The following TMC1 variants were observed in gnomAD, a reference collection of about 807,000 sequenced individuals.
TMC1 encodes the protein transmembrane channel like 1.
TMC1 carries 84 observed loss-of-function variants against 105.8 expected under a neutral mutation model. The ratio of observed to expected loss-of-function variants is 0.79; its 90% confidence interval spans 0.67 to 0.95. The LOEUF is 0.95. TMC1 is among the 40% of genes least tolerant of loss of function. The pLI, the probability that TMC1 is intolerant of heterozygous loss-of-function variation, is 0.00. For synonymous variants in TMC1, 315 were observed against 311.5 expected, an observed-to-expected ratio of 1.01 and a Z score of -0.12; for missense variants, 817 against 914.1, an observed-to-expected ratio of 0.89 and a Z score of 1.37.
chr9:72,546,215 T>A (rs1823766499), intron 1 of TMC1, among the ~76,000 whole-genome samples: 1 of 151,964 alleles, frequency 6.6e-6, no homozygotes, highest in African/African-American at 2.4e-5. Flanking sequence ...ATCGCTTGAA[T>A]GCAGAAGGCG....
intron 12 of TMC1, among the ~76,000 whole-genome samples, chr9:72,770,419 GTT>G (rs367957982): frequency 2.0e-4 from 24 of 120,472 alleles, no homozygotes; most frequent in Non-Finnish European, 2.8e-4. Flanking sequence ...AATTTGTTGG[GTT>G]TTTTTTTTTT....
chr9:72,523,401 T>C (rs1157888170), intron 1 of TMC1, among the ~76,000 whole-genome samples: 1 of 152,208 alleles, frequency 6.6e-6, no homozygotes, highest in Admixed American at 6.5e-5. Flanking sequence ...CCTAACAGCC[T>C]ACTGTTGACC....
intron 10 of TMC1, among the ~76,000 whole-genome samples, chr9:72,747,874 G>A (rs1341233154): frequency 2.6e-5 from 4 of 152,128 alleles, no homozygotes; most frequent in African/African-American, 4.8e-5. Flanking sequence ...GATTACAGGA[G>A]TGAGCCACCG....
intron 4 of TMC1, among the ~76,000 whole-genome samples, chr9:72,645,892 A>G (rs1825703829): frequency 6.6e-6 from 1 of 152,206 alleles, no homozygotes; most frequent in Admixed American, 6.5e-5. Context: ...TTCATTTCTT[A>G]AGGAATGGAC....
intron 7 of TMC1, 138 bp downstream of exon 7, chr9:72,694,852 T>C: frequency 1.3e-6 from 1 of 747,860 alleles, no homozygotes; most frequent in Admixed American, 2.8e-5. Context: ...TATTTTATTC[T>C]ACTTAATTAA....
At chr9:72,528,049 T>C (rs1006708561) in intron 1 of TMC1, among the ~76,000 whole-genome samples, 1 of 152,164 alleles carries the variant, frequency 6.6e-6, no homozygotes, top group Non-Finnish European at 1.5e-5. Context: ...AACTTATATG[T>C]TGAAATCTTA....
chr9:72,645,119 T>C (rs1825688911), intron 4 of TMC1, among the ~76,000 whole-genome samples: 1 of 152,174 alleles, frequency 6.6e-6, no homozygotes, highest in Non-Finnish European at 1.5e-5. Flanking sequence ...CCACATTAAT[T>C]GATAGGAAAA....
chr9:72,654,205 A>G (rs1209029722), intron 5 of TMC1, among the ~76,000 whole-genome samples: 1 of 152,196 alleles, frequency 6.6e-6, no homozygotes, highest in East Asian at 1.9e-4. Flanking sequence ...GTGGCTACAT[A>G]TAATTTTGCA....
intron 2 of TMC1, among the ~76,000 whole-genome samples, chr9:72,592,177 C>A (rs757953896): frequency 2.6e-5 from 4 of 152,126 alleles, no homozygotes; most frequent in Non-Finnish European, 4.4e-5. Context: ...AACTAAATGA[C>A]GAGTTTCACT....
intron 12 of TMC1, among the ~76,000 whole-genome samples, chr9:72,770,372 A>G (rs1490597370): frequency 1.5e-5 from 2 of 137,900 alleles, no homozygotes; most frequent in Non-Finnish European, 3.1e-5. Flanking sequence ...ACTTAAATTT[A>G]TTATATAAAT....
chr9:72,599,245 G>A (rs1035511866), intron 2 of TMC1, among the ~76,000 whole-genome samples: 4 of 152,080 alleles, frequency 2.6e-5, no homozygotes, highest in Non-Finnish European at 5.9e-5. Flanking sequence ...TGGCCAGGCC[G>A]GTCTCAAACT....
At chr9:72,810,358 G>A (rs889543524) in intron 18 of TMC1, among the ~76,000 whole-genome samples, 3 of 152,088 alleles carry the variant, frequency 2.0e-5, no homozygotes, top group Admixed American at 6.6e-5. Context: ...ATGCATGCAT[G>A]TGCATGTATA....
At chr9:72,735,861 G>GC (rs1195319982) in intron 8 of TMC1, among the ~76,000 whole-genome samples, 3 of 152,108 alleles carry the variant, frequency 2.0e-5, no homozygotes, top group African/African-American at 7.2e-5. Flanking sequence ...TCCACCTTCT[G>GC]CCCCCTGGCT....
At chr9:72,630,442 T>C (rs1825429917) in intron 4 of TMC1, among the ~76,000 whole-genome samples, 1 of 152,218 alleles carries the variant, frequency 6.6e-6, no homozygotes, top group Non-Finnish European at 1.5e-5. Flanking sequence ...TGCCCTTTGA[T>C]TCAATAGCAC....
rs527812931 is a variant in TMC1, at chr9:72,591,952, A to T, written c.-306+13929A>T. Among the ~76,000 whole-genome samples the T allele has an allele frequency of 2.6e-5, 4 of 152,298 alleles. No homozygotes were observed. In the South Asian group the frequency reaches 8.3e-4, roughly 32 times the overall value. On this transcript the variant is annotated intron_variant, in intron 2 of 23. Transcript: ENST00000297784. Reference sequence around the variant, plus strand: ...TGAGAATTTGCATTTCTGACAAATTACCTGGAGGCGCTAGTTGCTAGTTTA... The same window carrying T: ...TGAGAATTTGCATTTCTGACAAATTTCCTGGAGGCGCTAGTTGCTAGTTTA...
chr9:72,690,761 G>A (rs1826452316), intron 6 of TMC1, among the ~76,000 whole-genome samples: 1 of 151,992 alleles, frequency 6.6e-6, no homozygotes, highest in South Asian at 2.1e-4. Context: ...CTTTGTCTTT[G>A]ACTTCTGGCA....
chr9:72,581,389 G>A (rs905894930), intron 2 of TMC1, among the ~76,000 whole-genome samples: 14 of 152,156 alleles, frequency 9.2e-5, no homozygotes, highest in Non-Finnish European at 1.5e-4. Context: ...TGATGATCAC[G>A]TTTTTATTTT....
chr9:72,558,342 A>G (rs1348600571), intron 1 of TMC1, among the ~76,000 whole-genome samples: 2 of 152,166 alleles, frequency 1.3e-5, no homozygotes, highest in Non-Finnish European at 2.9e-5. Flanking sequence ...GGACACTAGC[A>G]TCTTGGTGGC....
At chr9:72,735,557 T>G (rs1827284294) in intron 8 of TMC1, among the ~76,000 whole-genome samples, 1 of 152,238 alleles carries the variant, frequency 6.6e-6, no homozygotes, top group African/African-American at 2.4e-5. Flanking sequence ...GATTTGTTTT[T>G]GTATCTTCTT....
Sources: allele counts gnomAD v4.1 joint callset (sites outside exome capture counted in the v4.1 genomes callset), GRCh38; gene constraint gnomAD v4.1.1; transcripts MANE v1.5; gene names NCBI Gene and HGNC (gene_info 2026-07-23, HGNC 2026-07-21).